The following BLK variants were observed in gnomAD, a reference collection of about 807,000 sequenced individuals.
BLK encodes the protein tyrosine-protein kinase Blk.
Under a neutral mutation model 61.8 loss-of-function variants are expected in BLK, and 64 were observed. The ratio of observed to expected loss-of-function variants is 1.03; its 90% CI spans 0.85 to 1.27. The LOEUF is 1.27. BLK is among the 50% of genes most tolerant of loss of function. The pLI is 0.00. For synonymous variants in BLK, 351 were observed against 272.0 expected (o/e 1.29, Z -2.86); for missense variants, 853 against 660.5 (o/e 1.29, Z -3.19).
rs55758736 is a variant in BLK, at chr8:11,548,067, G to A, written c.211G>A (p.Ala71Thr). Residue 71 changes from alanine (A) to threonine (T), a missense_variant, in exon 4 of 13, where the codon GCT becomes ACT. Transcript: ENST00000259089. ...CGTGGTGGCTCTGTATGACTACACC[G>A]CTATGAATGATCGGGACCTGCAGAT... The part of the protein sequence containing the change: ...HFVVALYDYT[A>T]MNDRDLQMLK... 0.011 allele frequency: 18,440 copies of A among 1,613,932 alleles called. 156 individuals are homozygous for A. Among genetic ancestry groups the A allele is most frequent in the Middle Eastern group, 0.049 (294 of 6,008 alleles).
chr8:11,504,922 G>C (rs111965253), intron 1 of BLK, among the ~76,000 whole-genome samples: 14,445 of 152,194 alleles, frequency 0.095, 818 homozygotes, highest in African/African-American at 0.12. Flanking sequence ...AATGGATACA[G>C]AGCATATGTA....
intron 11 of BLK, among the ~76,000 whole-genome samples, chr8:11,561,810 T>G (rs1298159357): frequency 6.6e-6 from 1 of 150,556 alleles, no homozygotes; most frequent in African/African-American, 2.4e-5. Context: ...CCAAACTAAT[T>G]TGAGCTCCAA....
intron 1 of BLK, among the ~76,000 whole-genome samples, chr8:11,495,649 CAAAG>C (rs1798336798): frequency 6.6e-6 from 1 of 152,128 alleles, no homozygotes; most frequent in Admixed American, 6.5e-5. Context: ...TCATGAAAAA[CAAAG>C]AAAGACAGGC....
intron 1 of BLK, among the ~76,000 whole-genome samples, chr8:11,538,716 T>C (rs1585380380): frequency 6.6e-6 from 1 of 152,132 alleles, no homozygotes; most frequent in South Asian, 2.1e-4. Flanking sequence ...CTGGGGAATA[T>C]ACTAGGAGCT....
Position 11,554,723 on chromosome 8 carries a change from T to A in BLK, c.473-20T>A, listed in dbSNP as rs758141278. On this transcript the variant is annotated intron_variant, in intron 6 of 12. Transcript: ENST00000259089. ...GTCTTTGTGCCTTACTTCTCGTGTGTGTCTTCATGAACCCTCCAGGTGCCT... is the reference window on the plus strand; with the variant it reads ...GTCTTTGTGCCTTACTTCTCGTGTGAGTCTTCATGAACCCTCCAGGTGCCT... 1 of 1,612,084 alleles carries A rather than the reference T, an allele frequency of 6.2e-7. No individual in the cohort carries two copies. Among genetic ancestry groups the A allele is most frequent in the South Asian group, 1.1e-5 (1 of 91,074 alleles).
Position 11,564,425 on chromosome 8 carries a change from C to A in BLK, c.*317C>A. ...AGCGACTGTCATCAAGTAAGGCCCC[C>A]GTGCTGGGCACCCCCCGTGCTGGCC... On this transcript the variant is annotated 3_prime_UTR_variant, in exon 13 of 13. Coordinates refer to ENST00000259089, the MANE Select transcript of BLK (RefSeq NM_001715.3). 1.7e-6 allele frequency: 1 copy of A among 594,230 alleles called. No homozygotes were observed. Among genetic ancestry groups the A allele is most frequent in the Admixed American group, 2.2e-5 (1 of 46,418 alleles). 36.8% of individuals were successfully genotyped at this position (594,230 alleles called of 1,614,324 possible). A position where few individuals can be genotyped will look rare whatever the true frequency, so the allele number is the denominator to read the frequency against.
In BLK at chr8:11,516,591, C is replaced by G. The variant is rs140539444; in HGVS notation, c.-2+22000C>G. ...CAGCCCTGTTAAACTAACTCCCCGA[C>G]CCAGCCCCCAGCCCCTGACACCTGT... On this transcript the variant is annotated intron_variant, in intron 1 of 12. Coordinates refer to ENST00000259089, the MANE Select transcript of BLK (RefSeq NM_001715.3). 8.4e-3 allele frequency among the ~76,000 whole-genome samples: 1,282 copies of G among 152,300 alleles called. 11 individuals are homozygous for G. Among genetic ancestry groups the G allele is most frequent in the African/African-American group, 0.028 (1,171 of 41,546 alleles).
intron 1 of BLK, among the ~76,000 whole-genome samples, chr8:11,524,322 G>T (rs1032078543): frequency 1.3e-5 from 2 of 152,052 alleles, no homozygotes. Context: ...CATTCACAAC[G>T]ATTTTCCATT....
At chr8:11,544,903 G>A (rs1304608310) in intron 2 of BLK, among the ~76,000 whole-genome samples, 1 of 152,164 alleles carries the variant, frequency 6.6e-6, no homozygotes, top group African/African-American at 2.4e-5. Context: ...CCCAACTTCA[G>A]ACAAGAAAGA....
chr8:11,559,969 A>G (rs2117589457), intron 10 of BLK: 1 of 384,914 alleles, frequency 2.6e-6, no homozygotes, highest in South Asian at 2.0e-5. Flanking sequence ...TTTTTAAAAT[A>G]TATTTCTGGT....
At chr8:11,516,605 C>T (rs1292783754) in intron 1 of BLK, among the ~76,000 whole-genome samples, 1 of 152,210 alleles carries the variant, frequency 6.6e-6, no homozygotes, top group African/African-American at 2.4e-5. Context: ...GCCCCCAGCC[C>T]CTGACACCTG....
At chr8:11,555,519 C>G (rs1315341860) in intron 8 of BLK, 35 bp downstream of exon 8, 22 of 1,613,552 alleles carry the variant, frequency 1.4e-5, no homozygotes, top group Middle Eastern at 1.6e-4. Flanking sequence ...ATTTCTCCCC[C>G]CATTCCACCT....
intron 1 of BLK, among the ~76,000 whole-genome samples, chr8:11,504,380 A>AGAAAG (rs1798686349): frequency 1.7e-5 from 1 of 59,200 alleles, no homozygotes; most frequent in Admixed American, 1.4e-4. Context: ...AGAAAAGAAA[A>AGAAAG]GAAAAGAAAA....
intron 2 of BLK, among the ~76,000 whole-genome samples, chr8:11,543,684 T>A (rs1009575487): frequency 6.6e-6 from 1 of 152,194 alleles, no homozygotes; most frequent in African/African-American, 2.4e-5. Flanking sequence ...GAGACCCTTG[T>A]CCCCTATGTG....
rs751925726 is a variant in BLK, at chr8:11,556,871, G to C, written c.952+34G>C. 9.3e-6 allele frequency: 15 copies of C among 1,608,596 alleles called. No homozygotes were observed. The Middle Eastern group carries it at 6.9e-4, about 74-fold the overall frequency. On this transcript the variant is annotated intron_variant, in intron 9 of 12. Coordinates refer to ENST00000259089, the MANE Select transcript of BLK (RefSeq NM_001715.3). ...CCCCGCAGAGCCGCATCCTCAGAGC[G>C]AGGCGGGAGGGCCGGGCTTAGCAGG...
At chr8:11,515,651 T>G (rs1335543083) in intron 1 of BLK, among the ~76,000 whole-genome samples, 1 of 152,122 alleles carries the variant, frequency 6.6e-6, no homozygotes, top group African/African-American at 2.4e-5. Flanking sequence ...GTCACTTACC[T>G]CCTTAATTTT....
At chr8:11,554,952 G>A in intron 7 of BLK, 63 bp downstream of exon 7, 4 of 1,585,188 alleles carry the variant, frequency 2.5e-6, no homozygotes, top group African/African-American at 2.7e-5. Context: ...CTCTCGCTAA[G>A]ATTCCCAATT....
At chr8:11,546,462 T>A (rs1585393408) in intron 3 of BLK, among the ~76,000 whole-genome samples, 1 of 152,128 alleles carries the variant, frequency 6.6e-6, no homozygotes, top group Non-Finnish European at 1.5e-5. Flanking sequence ...GGCCCTTGCC[T>A]CCAGCCCCTG....
At chr8:11,526,183 G>C (rs1167966514) in intron 1 of BLK, among the ~76,000 whole-genome samples, 2 of 152,160 alleles carry the variant, frequency 1.3e-5, no homozygotes, top group Non-Finnish European at 2.9e-5. Flanking sequence ...ACTTCATCAT[G>C]CTGTCTCTTT....
Sources: gnomAD v4.1 joint callset for allele counts (sites outside exome capture counted in the v4.1 genomes callset) on GRCh38, gnomAD v4.1.1 for gene constraint, MANE v1.5 for transcripts, NCBI Gene and HGNC (gene_info 2026-07-23, HGNC 2026-07-21) for gene names.